ATP1A2: variants seen among roughly 807,000 people sequenced by gnomAD.
The protein encoded by ATP1A2 is ATPase Na+/K+ transporting subunit alpha 2.
ATP1A2 carries 56 observed loss-of-function variants against 113.1 expected under a neutral mutation model. The observed-to-expected ratio is 0.49, with a 90% confidence interval of 0.40 to 0.62. The LOEUF is 0.62. Among genes scored for constraint, ATP1A2 ranks in the 20% least tolerant of loss-of-function variants. The probability of loss-of-function intolerance (pLI) is 0.00; values close to 1 mark genes in which losing one functional copy is unlikely to be tolerated. For synonymous variants in ATP1A2, 490 were observed against 526.8 expected, an observed-to-expected ratio of 0.93 and a Z score of 0.96; for missense variants, 712 against 1,357.8, an observed-to-expected ratio of 0.52 and a Z score of 7.47.
intron 7 of ATP1A2, chr1:160,125,589 T>G (rs1651563094): frequency 3.2e-6 from 1 of 313,292 alleles, no homozygotes; most frequent in African/African-American, 2.1e-5. Flanking sequence ...CCAACCTGGA[T>G]TCTTAGGAGT....
rs763242526 is a variant in ATP1A2, at chr1:160,134,522, G to A, written c.1866G>A (p.Lys622=). Residue 622 remains lysine (K), a synonymous_variant, in exon 14 of 23, where the codon AAG becomes AAA. Transcript: ENST00000361216. ...MVTGDHPITA[K]AIAKGVGIIS... is the part of the protein sequence containing the mutation. ...CCGGGGATCACCCTATCACAGCCAA[G>A]GCCATTGCCAAAGGCGTGGGCATCA... The A allele has an allele frequency of 3.1e-6, 5 of 1,614,070 alleles. No homozygotes were observed. In the African/African-American group the frequency reaches 5.3e-5, roughly 17 times the overall value.
chr1:160,120,610 G>T (rs943394825), intron 1 of ATP1A2, among the ~76,000 whole-genome samples: 1 of 152,124 alleles, frequency 6.6e-6, no homozygotes, highest in East Asian at 1.9e-4. Context: ...TAGCAGCAGG[G>T]TCCTTTCAAC....
chr1:160,139,423 G>A (rs1016366671), intron 20 of ATP1A2, among the ~76,000 whole-genome samples: 11 of 152,262 alleles, frequency 7.2e-5, no homozygotes, highest in South Asian at 2.1e-4. Context: ...ATGAATATAC[G>A]TGCAATAGAC....
intron 14 of ATP1A2, 42 bp downstream of exon 14, chr1:160,134,662 T>G: frequency 6.2e-7 from 1 of 1,613,970 alleles, no homozygotes; most frequent in South Asian, 1.1e-5. Context: ...AATCAACACG[T>G]CCTCTTGCAC....
chr1:160,118,611 C>T (rs1651266498), intron 1 of ATP1A2, among the ~76,000 whole-genome samples: 1 of 152,108 alleles, frequency 6.6e-6, no homozygotes, highest in South Asian at 2.1e-4. Flanking sequence ...AAAATTATAC[C>T]AGATTCATAG....
chr1:160,129,563 T>G (rs992828207), intron 11 of ATP1A2, among the ~76,000 whole-genome samples, 163 bp downstream of exon 11: 1 of 152,030 alleles, frequency 6.6e-6, no homozygotes. Flanking sequence ...GCATGTCTGA[T>G]TGCAACTAGC....
At chr1:160,131,497 C>G (rs1168585704) in intron 13 of ATP1A2, among the ~76,000 whole-genome samples, 1 of 152,108 alleles carries the variant, frequency 6.6e-6, no homozygotes. Flanking sequence ...CATAACCACT[C>G]TGTCTCCGAG....
rs1055100517 is a variant in ATP1A2 at position 160,139,532 on chromosome 1, A to G, written c.2841-108A>G. On this transcript the variant is annotated intron_variant, in intron 20 of 22. Coordinates refer to ENST00000361216, the MANE Select transcript of ATP1A2 (RefSeq NM_000702.4). ...GGCTGTTGGAAGAAGACATGCGACT[A>G]TGTCGTTTAGAATTCTCTCTCCTCT... 1.2e-5 allele frequency: 11 copies of G among 924,754 alleles called. No homozygotes were observed. The East Asian group carries it at 2.2e-4, about 18-fold the overall frequency. 57.3% of individuals were successfully genotyped at this position (924,754 alleles called of 1,614,324 possible). A position where few individuals can be genotyped will look rare whatever the true frequency, so the allele number is the denominator to read the frequency against.
Position 160,123,227 on chromosome 1 carries a change from G to T in ATP1A2, c.192G>T (p.Gln64His), listed in dbSNP as rs796052282. 1.2e-5 allele frequency: 20 copies of T among 1,614,078 alleles called. No homozygotes were observed. Among genetic ancestry groups the T allele is most frequent in the Non-Finnish European group, 1.7e-5 (20 of 1,180,050 alleles). The change falls in exon 4 of 23, where the codon CAG becomes CAT. Residue 64 changes from glutamine (Q) to histidine (H), a missense_variant. This residue lies in a region of ATP1A2 where 109 missense variants were observed against 162.3 expected (regional missense o/e 0.67). Transcript: ENST00000361216. Reference sequence around the variant, plus strand: ...TGCTCCCTCAGGGCCTCACCAACCAGCGGGCTCAGGACGTTCTGGCTCGAG... The same window carrying T: ...TGCTCCCTCAGGGCCTCACCAACCATCGGGCTCAGGACGTTCTGGCTCGAG... ...QVDLSKGLTN[Q>H]RAQDVLARDG...
intron 7 of ATP1A2, among the ~76,000 whole-genome samples, chr1:160,126,033 C>G (rs985951217): frequency 2.6e-5 from 4 of 152,124 alleles, no homozygotes; most frequent in Non-Finnish European, 5.9e-5. Context: ...CCTCATATCC[C>G]AATCCACACT....
chr1:160,127,877 A>G, intron 8 of ATP1A2, 57 bp downstream of exon 8: 1 of 1,528,100 alleles, frequency 6.5e-7, no homozygotes, highest in Non-Finnish European at 8.8e-7. Context: ...CTTTCCTCAG[A>G]GTGATAGAGG....
At position 160,136,564 on chromosome 1, in the gene ATP1A2, C is replaced by G; in HGVS notation, c.2564-6C>G. 6.2e-7 allele frequency: 1 copy of G among 1,614,222 alleles called. No individual in the cohort carries two copies. The highest frequency in any genetic ancestry group is 8.5e-7 in the Non-Finnish European group (1 of 1,180,026). ...CCTGCCCCTGCCTTTGGCCCTCTAC[C>G]CACAGGGATGATCCAGGCACTGGGT... On this transcript the variant is annotated splice_region_variant and splice_polypyrimidine_tract_variant and intron_variant, in intron 18 of 22. Transcript: ENST00000361216.
chr1:160,138,842 T>C (rs1365849800), intron 20 of ATP1A2, among the ~76,000 whole-genome samples: 3 of 148,048 alleles, frequency 2.0e-5, no homozygotes, highest in Non-Finnish European at 4.5e-5. Flanking sequence ...AAAAAAAAAG[T>C]GGAGTAATAA....
intron 21 of ATP1A2, 61 bp from the exon 22 acceptor site, chr1:160,139,832 T>TGGTGGC: frequency 6.2e-7 from 1 of 1,610,602 alleles, no homozygotes; most frequent in South Asian, 1.1e-5. Flanking sequence ...GAATGCTCCT[T>TGGTGGC]TATGTGACAG....
Position 160,124,065 on chromosome 1 carries a change from G to T in ATP1A2, c.495+9G>T, listed in dbSNP as rs1057522630. The T allele has an allele frequency of 1.2e-6, 2 of 1,613,532 alleles. No homozygotes were observed. Among genetic ancestry groups the T allele is most frequent in the Admixed American group, 1.7e-5 (1 of 60,020 alleles). ...AGAACATGGTACCTCAGGTAAGATG[G>T]CAGGGCTGGGCTCTGGGCTAGGCTG... On this transcript the variant is annotated intron_variant, in intron 5 of 22. Coordinates refer to ENST00000361216, the MANE Select transcript of ATP1A2 (RefSeq NM_000702.4).
Position 160,120,989 on chromosome 1 carries a change from G to A in ATP1A2, c.96G>A (p.Glu32=), listed in dbSNP as rs746828144. ...KKKQKEKELD[E]LKKEVAMDDH... is the part of the protein sequence containing the mutation. Reference sequence around the variant, plus strand: ...AACAGAAGGAGAAGGAACTGGATGAGCTGAAGAAGGAGGTGGCAATGGTGA... The same window carrying A: ...AACAGAAGGAGAAGGAACTGGATGAACTGAAGAAGGAGGTGGCAATGGTGA... Residue 32 remains glutamate (E), a synonymous_variant, in exon 2 of 23, where the codon GAG becomes GAA. Coordinates refer to ENST00000361216, the MANE Select transcript of ATP1A2 (RefSeq NM_000702.4). 4.3e-6 allele frequency: 7 copies of A among 1,613,922 alleles called. No homozygotes were observed. The highest frequency in any genetic ancestry group is 3.3e-5 in the South Asian group (3 of 91,038).
chr1:160,140,130 G>T (rs1161470096), intron 22 of ATP1A2, 146 bp downstream of exon 22: 1 of 814,852 alleles, frequency 1.2e-6, no homozygotes, highest in Middle Eastern at 3.3e-4. Flanking sequence ...GGTCCCAGGA[G>T]CCCTGACTCT....
At chr1:160,132,784 G>T (rs778975321) in intron 13 of ATP1A2, among the ~76,000 whole-genome samples, 2 of 152,128 alleles carry the variant, frequency 1.3e-5, no homozygotes, top group Non-Finnish European at 2.9e-5. Context: ...CAGGACTGGA[G>T]ATTTGAATCT....
intron 20 of ATP1A2, 27 bp downstream of exon 20, chr1:160,137,058 C>T: frequency 6.2e-7 from 1 of 1,613,718 alleles, no homozygotes; most frequent in Non-Finnish European, 8.5e-7. Context: ...ATGGCACCTA[C>T]CCACCCAGGC....
Sources: gnomAD v4.1 joint callset for allele counts (sites outside exome capture counted in the v4.1 genomes callset) on GRCh38, gnomAD v4.1.1 for gene constraint, gnomAD v4.1.1 regional missense constraint, MANE v1.5 for transcripts, NCBI Gene and HGNC (gene_info 2026-07-23, HGNC 2026-07-21) for gene names.